Variants in TMEM132B observed in about 807,000 individuals in gnomAD.
TMEM132B encodes the protein transmembrane protein 132B.
Under a neutral mutation model 90.8 loss-of-function variants are expected in TMEM132B, and 18 were observed. The ratio of observed to expected loss-of-function variants is 0.20; its 90% CI spans 0.14 to 0.29. The LOEUF is 0.29. Among genes scored for constraint, TMEM132B ranks in the 10% least tolerant of loss-of-function variants. The pLI is 1.00. For missense variants in TMEM132B, 1,096 were observed against 1,326.8 expected (o/e 0.83, Z 2.70); for synonymous variants, 504 against 523.3 (o/e 0.96, Z 0.50).
At chr12:125,378,814 T>A (rs1566017898) in intron 2 of TMEM132B, among the ~76,000 whole-genome samples, 1 of 152,208 alleles carries the variant, frequency 6.6e-6, no homozygotes, top group Non-Finnish European at 1.5e-5. Context: ...AAGTTGACAA[T>A]GGCCAAAGAG....
At position 125,643,088 on chromosome 12, in the gene TMEM132B, G is replaced by A. The variant is rs111496414; in HGVS notation, c.1438-988G>A. ...AGGCAGTTGGGCACGTGTGTCTGGG[G>A]CTCAGAAGGGAGGCCTGAGTTGTAG... On this transcript the variant is annotated intron_variant, in intron 5 of 8. Coordinates refer to ENST00000682704, the MANE Select transcript of TMEM132B (RefSeq NM_001366854.1). Among the ~76,000 whole-genome samples the A allele has an allele frequency of 3.3e-3, 509 of 152,300 alleles. 1 individual carries two copies. The highest frequency in any genetic ancestry group is 0.012 in the South Asian group (58 of 4,820).
chr12:125,546,657 A>G (rs147346999), intron 4 of TMEM132B, among the ~76,000 whole-genome samples: 25 of 152,280 alleles, frequency 1.6e-4, no homozygotes, highest in African/African-American at 4.8e-4. Context: ...GTAGTATTCC[A>G]TTGTATGGAT....
Position 125,459,537 on chromosome 12 carries a change from G to A in TMEM132B, c.1106+43860G>A, listed in dbSNP as rs1282906214. ...CAGAAGCTGGAAGGGTAGTAGTAGGGTGTGGTGGGGATGTCTAATGGGTAC... is the reference window on the plus strand; with the variant it reads ...CAGAAGCTGGAAGGGTAGTAGTAGGATGTGGTGGGGATGTCTAATGGGTAC... On this transcript the variant is annotated intron_variant, in intron 3 of 8. Transcript: ENST00000682704. This position sits in a 1 kb window ranked among gnomAD's most constrained non-coding sequence, Gnocchi z 4.1. Among the ~76,000 whole-genome samples, 1 of 152,174 alleles carries A rather than the reference G, an allele frequency of 6.6e-6. No individual in the cohort carries two copies. Among genetic ancestry groups the A allele is most frequent in the African/African-American group, 2.4e-5 (1 of 41,422 alleles).
chr12:125,258,008 T>A (rs1251241541), intron 1 of TMEM132B, among the ~76,000 whole-genome samples: 1 of 152,246 alleles, frequency 6.6e-6, no homozygotes, highest in Non-Finnish European at 1.5e-5. Flanking sequence ...CACAATTTGT[T>A]ACAGCAGCTA....
chr12:125,344,247 A>G (rs2136225063), intron 1 of TMEM132B, among the ~76,000 whole-genome samples: 1 of 152,340 alleles, frequency 6.6e-6, no homozygotes, highest in Non-Finnish European at 1.5e-5. Flanking sequence ...CAGGAAAACA[A>G]ATCACTCTAG....
chr12:125,648,604 TTAAA>T, intron 6 of TMEM132B, among the ~76,000 whole-genome samples: 1 of 152,188 alleles, frequency 6.6e-6, no homozygotes, highest in African/African-American at 2.4e-5. Flanking sequence ...AATTAAAAGT[TTAAA>T]TAAATGAATA....
chr12:125,554,427 T>TTAA (rs1388382286), intron 4 of TMEM132B, among the ~76,000 whole-genome samples: 2 of 69,480 alleles, frequency 2.9e-5, no homozygotes, highest in African/African-American at 5.0e-5. Flanking sequence ...TCCATTTCAT[T>TTAA]AAAAAAAAAA....
At chr12:125,630,744 C>T (rs546855641) in intron 5 of TMEM132B, among the ~76,000 whole-genome samples, 2 of 152,152 alleles carry the variant, frequency 1.3e-5, no homozygotes, top group African/African-American at 4.8e-5. Context: ...TCCTCCCATC[C>T]TCCATCCTCA....
At chr12:125,383,998 G>A (rs555953146) in intron 2 of TMEM132B, among the ~76,000 whole-genome samples, 8 of 152,276 alleles carry the variant, frequency 5.3e-5, no homozygotes, top group Middle Eastern at 6.8e-3. Flanking sequence ...CCAGGCTGGA[G>A]TGCAGTGGTG....
chr12:125,576,323 C>G (rs1055290182), intron 4 of TMEM132B, among the ~76,000 whole-genome samples: 2 of 151,916 alleles, frequency 1.3e-5, no homozygotes, highest in Non-Finnish European at 2.9e-5. Flanking sequence ...ATCTTGTATC[C>G]TGAAATTTGC....
chr12:125,382,516 T>C (rs1276817416), intron 2 of TMEM132B, among the ~76,000 whole-genome samples: 3 of 152,196 alleles, frequency 2.0e-5, no homozygotes, highest in African/African-American at 7.2e-5. Flanking sequence ...TCTGACTCTT[T>C]ATGACCTTGC....
At chr12:125,644,955 C>T (rs1314796260) in intron 6 of TMEM132B, among the ~76,000 whole-genome samples, 5 of 152,110 alleles carry the variant, frequency 3.3e-5, no homozygotes, top group Admixed American at 6.5e-5. Flanking sequence ...AGACGACTCT[C>T]GCCTGTAATC....
chr12:125,314,412 T>G (rs1876206107), intron 1 of TMEM132B, among the ~76,000 whole-genome samples: 1 of 152,194 alleles, frequency 6.6e-6, no homozygotes. Context: ...AAGCCTGGTT[T>G]GCAAGGTAAC....
At chr12:125,381,783 C>T (rs1481664213) in intron 2 of TMEM132B, among the ~76,000 whole-genome samples, 1 of 152,140 alleles carries the variant, frequency 6.6e-6, no homozygotes, top group Admixed American at 6.5e-5. Flanking sequence ...TGAATGGGGG[C>T]AGAGATCAGG....
chr12:125,421,575 T>C (rs1174673445), intron 3 of TMEM132B, among the ~76,000 whole-genome samples: 1 of 152,216 alleles, frequency 6.6e-6, no homozygotes, highest in East Asian at 1.9e-4. Flanking sequence ...TAATTCAATA[T>C]GAGATCTGGG....
chr12:125,228,939 A>G (rs1873750709), intron 1 of TMEM132B, among the ~76,000 whole-genome samples: 1 of 152,072 alleles, frequency 6.6e-6, no homozygotes, highest in South Asian at 2.1e-4. Context: ...GTGTAGGAGG[A>G]GAAAATCTTC....
chr12:125,191,886 C>T (rs1872803777), intron 1 of TMEM132B, among the ~76,000 whole-genome samples: 1 of 152,178 alleles, frequency 6.6e-6, no homozygotes, highest in Admixed American at 6.5e-5. Context: ...AAAATTCTCC[C>T]TGGCTGTTCT....
intron 4 of TMEM132B, among the ~76,000 whole-genome samples, chr12:125,562,558 G>C (rs1989436): frequency 6.6e-6 from 1 of 152,202 alleles, no homozygotes; most frequent in Non-Finnish European, 1.5e-5. Flanking sequence ...GGACTCTTCC[G>C]TTCACTTAAA....
chr12:125,421,039 T>G (rs1880152309), intron 3 of TMEM132B, among the ~76,000 whole-genome samples: 1 of 152,228 alleles, frequency 6.6e-6, no homozygotes, highest in African/African-American at 2.4e-5. Flanking sequence ...CCACCTTAAC[T>G]TGGACTTCAT....
Sources: allele counts gnomAD v4.1 joint callset (sites outside exome capture counted in the v4.1 genomes callset), GRCh38; gene constraint gnomAD v4.1.1; non-coding constraint Gnocchi (gnomAD v3.1); transcripts MANE v1.5; gene names NCBI Gene and HGNC (gene_info 2026-07-23, HGNC 2026-07-21).